SLC26A8: variants seen among roughly 807,000 people sequenced by gnomAD.
The protein encoded by SLC26A8 is testis anion transporter 1.
Under a neutral mutation model 105.0 loss-of-function variants are expected in SLC26A8, and 70 were observed. That is an observed-to-expected ratio of 0.67 (90% CI 0.55 to 0.81). The LOEUF (loss-of-function observed/expected upper bound fraction) is 0.81, where lower values mean the gene tolerates loss of function less well. Among genes scored for constraint, SLC26A8 ranks in the 40% least tolerant of loss-of-function variants. The pLI, the probability that SLC26A8 is intolerant of heterozygous loss-of-function variation, is 0.00. For missense variants in SLC26A8, 998 were observed against 1,181.8 expected, an observed-to-expected ratio of 0.84 and a Z score of 2.28; for synonymous variants, 415 against 438.3, an observed-to-expected ratio of 0.95 and a Z score of 0.66.
chr6:35,964,539 C>T (rs762737336), intron 11 of SLC26A8, among the ~76,000 whole-genome samples: 6 of 151,744 alleles, frequency 4.0e-5, no homozygotes, highest in East Asian at 1.9e-4. Flanking sequence ...CTCAGCCACT[C>T]GGGAGGCTGA....
chr6:35,977,863 C>A (rs1218195791), intron 8 of SLC26A8, among the ~76,000 whole-genome samples: 1 of 151,820 alleles, frequency 6.6e-6, no homozygotes, highest in East Asian at 1.9e-4. Flanking sequence ...GGTGGGTGGA[C>A]CACTTGAGGT....
chr6:36,002,634 A>G (rs1167843588), intron 3 of SLC26A8, among the ~76,000 whole-genome samples: 1 of 151,754 alleles, frequency 6.6e-6, no homozygotes, highest in Non-Finnish European at 1.5e-5. Flanking sequence ...GATTTATAGG[A>G]GTATGTATAT....
chr6:35,977,159 A>G (rs779908869), intron 9 of SLC26A8, 45 bp downstream of exon 9: 1 of 1,570,536 alleles, frequency 6.4e-7, no homozygotes, highest in Non-Finnish European at 8.6e-7. Context: ...GGCTTTGATT[A>G]AAGAACAAAG....
In SLC26A8 at chr6:36,021,286, GA is replaced by G. The variant is rs1762120231; in HGVS notation, c.-2-1578del. Among the ~76,000 whole-genome samples the G allele has an allele frequency of 2.0e-5, 3 of 151,614 alleles. No individual in the cohort carries two copies. In the South Asian group the frequency reaches 6.2e-4, roughly 31 times the overall value. ...TAGTGCCTCATGTCTCTTACAAAAA[GA>G]AAAAAAGGTAGAACTGTATATTGAA... is the stretch of plus-strand genomic sequence containing the variant. On this transcript the variant is annotated intron_variant, in intron 1 of 19. Transcript: ENST00000490799.
intron 3 of SLC26A8, among the ~76,000 whole-genome samples, chr6:36,003,379 A>G (rs1213141156): frequency 6.6e-6 from 1 of 152,126 alleles, no homozygotes; most frequent in African/African-American, 2.4e-5. Flanking sequence ...TTTCTGTTTC[A>G]TTGGCCTAAT....
At chr6:35,991,990 A>G (rs1289057255) in intron 6 of SLC26A8, among the ~76,000 whole-genome samples, 182 bp from the exon 7 acceptor site, 1 of 152,134 alleles carries the variant, frequency 6.6e-6, no homozygotes, top group East Asian at 1.9e-4. Flanking sequence ...ATTTTGTAAA[A>G]AGAGGGACAG....
At chr6:35,993,187 GGA>G (rs199913922) in intron 5 of SLC26A8, among the ~76,000 whole-genome samples, 608 of 50,014 alleles carry the variant, frequency 0.012, 119 homozygotes, top group East Asian at 0.1. Context: ...GATAGAGATT[GGA>G]GGGGGGGGTC....
chr6:36,009,290 G>A (rs1761779743), intron 3 of SLC26A8, among the ~76,000 whole-genome samples: 2 of 152,158 alleles, frequency 1.3e-5, no homozygotes, highest in African/African-American at 4.8e-5. Flanking sequence ...GGCAGAGGTT[G>A]TAGTGAGCCG....
At chr6:36,020,985 C>T (rs527304805) in intron 1 of SLC26A8, among the ~76,000 whole-genome samples, 2 of 152,294 alleles carry the variant, frequency 1.3e-5, no homozygotes, top group Admixed American at 6.5e-5. Flanking sequence ...CCATGCATTG[C>T]ACTAGATTTC....
intron 5 of SLC26A8, among the ~76,000 whole-genome samples, chr6:35,993,196 G>GGGT (rs1761235864): frequency 9.7e-6 from 1 of 102,784 alleles, no homozygotes; most frequent in Non-Finnish European, 2.1e-5. Flanking sequence ...TGGAGGGGGG[G>GGGT]GTCTTGCTAT....
At chr6:35,995,893 G>A (rs1420857304) in intron 5 of SLC26A8, among the ~76,000 whole-genome samples, 1 of 152,094 alleles carries the variant, frequency 6.6e-6, no homozygotes. Flanking sequence ...TTAAAAGGTT[G>A]CTTGTGTATT....
intron 19 of SLC26A8, 70 bp downstream of exon 19, chr6:35,951,093 C>G: frequency 7.9e-7 from 1 of 1,273,510 alleles, no homozygotes; most frequent in Non-Finnish European, 1.1e-6. Context: ...AGCCCCCAAC[C>G]ACCCCTCACC....
chr6:35,951,182 G>A lies in SLC26A8; in HGVS notation c.2453C>T (p.Thr818Ile). 1.2e-6 allele frequency: 2 copies of A among 1,613,400 alleles called. No homozygotes were observed. The highest frequency in any genetic ancestry group is 1.7e-6 in the Non-Finnish European group (2 of 1,179,924). ...IDESETVIRE[T>I]YSETDKNDNS... ...TCTGACCTTGTCTGTTTCTGAGTAG[G>A]TTTCCCGTATCACTGTCTCGGATTC... The change falls in exon 19 of 20, where the codon ACC (threonine) becomes ATC (isoleucine). Residue 818 changes from threonine to isoleucine, a missense_variant. Physicochemically the swap from Thr to Ile is moderately conservative, Grantham distance 89. Transcript: ENST00000490799.
chr6:36,000,763 T>C (rs1156539101), intron 3 of SLC26A8, among the ~76,000 whole-genome samples: 1 of 152,194 alleles, frequency 6.6e-6, no homozygotes, highest in African/African-American at 2.4e-5. Context: ...CTAAATTCAG[T>C]TATGAATTTA....
chr6:35,977,424 C>A, intron 8 of SLC26A8, 73 bp from the exon 9 acceptor site: 10 of 1,345,802 alleles, frequency 7.4e-6, no homozygotes, highest in Non-Finnish European at 1.0e-5. Flanking sequence ...TCTATTCTAA[C>A]ACTGGGCTGT....
At chr6:35,951,102 C>CCCCAACCCCCACAGCCCACAAAA in intron 19 of SLC26A8, 61 bp downstream of exon 19, 1 of 1,356,466 alleles carries the variant, frequency 7.4e-7, no homozygotes, top group Non-Finnish European at 1.0e-6. Flanking sequence ...CCACCCCTCA[C>CCCCAACCCCCACAGCCCACAAAA]CCATCCCCCC....
At chr6:36,006,058 A>G (rs1476035925) in intron 3 of SLC26A8, among the ~76,000 whole-genome samples, 5 of 152,184 alleles carry the variant, frequency 3.3e-5, no homozygotes. Flanking sequence ...CATCAATTAA[A>G]CTAATGTTCA....
At chr6:35,959,434 C>A in intron 16 of SLC26A8, 26 bp downstream of exon 16, 1 of 1,579,610 alleles carries the variant, frequency 6.3e-7, no homozygotes. Context: ...TGGAGAAAAA[C>A]ATAGGAAAGA....
intron 8 of SLC26A8, 90 bp from the exon 9 acceptor site, chr6:35,977,441 T>TA: frequency 1.1e-4 from 145 of 1,275,788 alleles, no homozygotes; most frequent in Non-Finnish European, 1.4e-4. Context: ...CTGTCCTGAT[T>TA]CTTTTTTTTT....
Sources: allele counts gnomAD v4.1 joint callset (sites outside exome capture counted in the v4.1 genomes callset), GRCh38; gene constraint gnomAD v4.1.1; transcripts MANE v1.5; gene names NCBI Gene and HGNC (gene_info 2026-07-23, HGNC 2026-07-21).